Variants in PMS1 observed in about 807,000 individuals in gnomAD.
PMS1 encodes the protein PMS1 protein homolog 1.
PMS1 carries 79 observed loss-of-function variants against 93.1 expected under a neutral mutation model. That is an observed-to-expected ratio of 0.85 (90% CI 0.71 to 1.02). The LOEUF (loss-of-function observed/expected upper bound fraction) is 1.02. Ranked by LOEUF, PMS1 falls within the 50% of genes least tolerant of loss-of-function variation. The probability of loss-of-function intolerance (pLI) is 0.00; values close to 1 mark genes in which losing one functional copy is unlikely to be tolerated. For missense variants in PMS1, 1,064 were observed against 1,085.3 expected (o/e 0.98, Z 0.28); for synonymous variants, 335 against 363.4 (o/e 0.92, Z 0.89).
chr2:189,833,094 T>A (rs1040591983), intron 5 of PMS1, among the ~76,000 whole-genome samples: 1 of 152,190 alleles, frequency 6.6e-6, no homozygotes, highest in Admixed American at 6.5e-5. Flanking sequence ...ATCCCCAATG[T>A]CTAAAAACAC....
chr2:189,818,933 GT>G (rs1312355649), intron 5 of PMS1, among the ~76,000 whole-genome samples: 1 of 152,208 alleles, frequency 6.6e-6, no homozygotes. Flanking sequence ...GAGGATACAA[GT>G]GTAATTTTGT....
intron 2 of PMS1, among the ~76,000 whole-genome samples, chr2:189,794,789 A>G (rs2049189178): frequency 2.0e-5 from 3 of 152,142 alleles, no homozygotes; most frequent in South Asian, 2.1e-4. Flanking sequence ...AAACTAAGCT[A>G]TGAATTGAGA....
intron 3 of PMS1, among the ~76,000 whole-genome samples, chr2:189,796,891 C>G (rs183089994): frequency 6.6e-6 from 1 of 152,094 alleles, no homozygotes; most frequent in Admixed American, 6.5e-5. Flanking sequence ...GGTATATATC[C>G]AGAAGTAGAC....
At chr2:189,841,075 G>C (rs1222433043) in intron 5 of PMS1, among the ~76,000 whole-genome samples, 1 of 152,068 alleles carries the variant, frequency 6.6e-6, no homozygotes, top group African/African-American at 2.4e-5. Flanking sequence ...CTAGACAGGG[G>C]ATAAATATTG....
chr2:189,814,454 TTC>T (rs1438205977), intron 4 of PMS1, among the ~76,000 whole-genome samples: 1 of 152,182 alleles, frequency 6.6e-6, no homozygotes, highest in Non-Finnish European at 1.5e-5. Context: ...CCCCCCAATC[TTC>T]TTTTATTTTT....
intron 4 of PMS1, among the ~76,000 whole-genome samples, chr2:189,813,490 G>A (rs1027569745): frequency 2.6e-5 from 4 of 152,066 alleles, no homozygotes; most frequent in Admixed American, 2.0e-4. Flanking sequence ...ATAATTAATG[G>A]CCTCCCAAAA....
At chr2:189,867,768 A>G (rs754831859) in intron 10 of PMS1, 31 bp from the exon 11 acceptor site, 13 of 1,506,554 alleles carry the variant, frequency 8.6e-6, no homozygotes, top group Middle Eastern at 1.9e-4. Flanking sequence ...TGTGTTTTTA[A>G]TAAGTTAAAG....
intron 6 of PMS1, among the ~76,000 whole-genome samples, chr2:189,852,444 A>C (rs2054841670): frequency 6.6e-6 from 1 of 152,238 alleles, no homozygotes; most frequent in African/African-American, 2.4e-5. Flanking sequence ...TAGAGTTGCC[A>C]ACAAAAAGAG....
At chr2:189,796,527 T>G (rs2106236835) in intron 3 of PMS1, among the ~76,000 whole-genome samples, 1 of 152,314 alleles carries the variant, frequency 6.6e-6, no homozygotes, top group Non-Finnish European at 1.5e-5. Flanking sequence ...TAAACAATAA[T>G]GCCTTTTCCC....
intron 9 of PMS1, among the ~76,000 whole-genome samples, chr2:189,858,610 C>A (rs2055615880): frequency 6.6e-6 from 1 of 151,860 alleles, no homozygotes; most frequent in African/African-American, 2.4e-5. Context: ...CAAATGGGGA[C>A]CTTTGTTTTG....
At position 189,854,431 on chromosome 2, in the gene PMS1, G is replaced by A. The variant is rs1288776103; in HGVS notation, c.1159G>A (p.Val387Ile). The A allele has an allele frequency of 1.2e-6, 2 of 1,608,878 alleles. No homozygotes were observed. Among genetic ancestry groups the A allele is most frequent in the African/African-American group, 1.3e-5 (1 of 74,758 alleles). The change falls in exon 9 of 13, where the codon GTC becomes ATC. Residue 387 changes from valine (V) to isoleucine (I), a missense_variant. Coordinates refer to ENST00000441310, the MANE Select transcript of PMS1 (RefSeq NM_000534.5). ...GKNYSNVDTSVIPFQNDMHND... is the reference protein window; with the variant it reads ...GKNYSNVDTSIIPFQNDMHND... ...GAATTATTCAAATGTTGATACTTCA[G>A]TCATTCCATTCCAAAATGATATGCA... is the stretch of plus-strand genomic sequence containing the variant.
At chr2:189,869,464 A>G (rs925229427) in intron 11 of PMS1, among the ~76,000 whole-genome samples, 3 of 152,128 alleles carry the variant, frequency 2.0e-5, no homozygotes, top group African/African-American at 4.8e-5. Flanking sequence ...TTTATTCTCA[A>G]CTTAATCTGT....
At chr2:189,796,555 A>G (rs1192647654) in intron 3 of PMS1, among the ~76,000 whole-genome samples, 1 of 151,998 alleles carries the variant, frequency 6.6e-6, no homozygotes, top group East Asian at 1.9e-4. Context: ...CCTAGTACTC[A>G]CTGTTCTACT....
At chr2:189,860,321 T>A (rs2055822668) in intron 9 of PMS1, among the ~76,000 whole-genome samples, 1 of 152,202 alleles carries the variant, frequency 6.6e-6, no homozygotes, top group Admixed American at 6.5e-5. Flanking sequence ...TATAAAATCA[T>A]GTGATGTATA....
intron 5 of PMS1, among the ~76,000 whole-genome samples, chr2:189,830,773 A>G (rs2052860367): frequency 6.6e-6 from 1 of 152,238 alleles, no homozygotes; most frequent in Admixed American, 6.5e-5. Flanking sequence ...GCTGGACTGT[A>G]AGCGTAGGCC....
chr2:189,871,228 A>G (rs553333792), intron 11 of PMS1, among the ~76,000 whole-genome samples: 1 of 152,324 alleles, frequency 6.6e-6, no homozygotes, highest in South Asian at 2.1e-4. Flanking sequence ...GAGGTGTCCA[A>G]TCTTTTGGCT....
In PMS1 at chr2:189,791,925, G is replaced by C. The variant is rs2048904085; in HGVS notation, c.116G>C (p.Ser39Thr). The change falls in exon 2 of 13, where the codon AGC becomes ACC. Residue 39 changes from serine to threonine, a missense_variant. Transcript: ENST00000441310. The stretch of plus-strand genomic sequence containing the variant: ...AACTCCTTGGATGCTGGTGCCACAA[G>C]CGTAGATGTTAAACTGGTGAGTGTC... ...IENSLDAGAT[S>T]VDVKLENYGF... 1 of 1,613,888 alleles carries C rather than the reference G, an allele frequency of 6.2e-7. No homozygotes were observed. The highest frequency in any genetic ancestry group is 8.5e-7 in the Non-Finnish European group (1 of 1,179,886).
chr2:189,820,640 T>C (rs1302059320), intron 5 of PMS1, among the ~76,000 whole-genome samples: 2 of 152,138 alleles, frequency 1.3e-5, no homozygotes, highest in South Asian at 4.1e-4. Context: ...AATACTACTT[T>C]ATATTTATAT....
chr2:189,854,113 C>G (rs1340142984), intron 8 of PMS1, 31 bp downstream of exon 8: 2 of 1,502,240 alleles, frequency 1.3e-6, no homozygotes, highest in Non-Finnish European at 1.8e-6. Context: ...TTTTCTTATG[C>G]TATTTATAAA....
Sources: gnomAD v4.1 joint callset for allele counts (sites outside exome capture counted in the v4.1 genomes callset) on GRCh38, gnomAD v4.1.1 for gene constraint, MANE v1.5 for transcripts, NCBI Gene and HGNC (gene_info 2026-07-23, HGNC 2026-07-21) for gene names.